MYO1E: variants seen among roughly 807,000 people sequenced by gnomAD.
MYO1E encodes the protein unconventional myosin-Ie.
In MYO1E, 68 loss-of-function variants were observed where a neutral mutation model predicts 151.1. That is an observed-to-expected ratio of 0.45 (90% CI 0.37 to 0.55). The LOEUF (loss-of-function observed/expected upper bound fraction) is 0.55, where lower values mean the gene tolerates loss of function less well. Among genes scored for constraint, MYO1E ranks in the 20% least tolerant of loss-of-function variants. The pLI, the probability that MYO1E is intolerant of heterozygous loss-of-function variation, is 0.00. For synonymous variants in MYO1E, 601 were observed against 501.7 expected, an observed-to-expected ratio of 1.20 and a Z score of -2.64; for missense variants, 1,363 against 1,389.3, an observed-to-expected ratio of 0.98 and a Z score of 0.30.
intron 4 of MYO1E, among the ~76,000 whole-genome samples, chr15:59,240,787 A>C (rs1307950887): frequency 6.6e-6 from 1 of 152,198 alleles, no homozygotes; most frequent in Non-Finnish European, 1.5e-5. Context: ...CACTTTTCCA[A>C]CTTTTTGTTT....
At chr15:59,162,033 A>G (rs532506574) in intron 23 of MYO1E, among the ~76,000 whole-genome samples, 1 of 152,194 alleles carries the variant, frequency 6.6e-6, no homozygotes, top group South Asian at 2.1e-4. Flanking sequence ...AAGAAAAGCT[A>G]AATAACTTTC....
intron 1 of MYO1E, among the ~76,000 whole-genome samples, chr15:59,364,409 G>C (rs1350490851): frequency 1.3e-5 from 2 of 152,176 alleles, no homozygotes; most frequent in African/African-American, 4.8e-5. Flanking sequence ...CTAGTGGGTG[G>C]AAGGAGGAAC....
intron 19 of MYO1E, among the ~76,000 whole-genome samples, chr15:59,177,245 C>T (rs554574188): frequency 6.6e-6 from 1 of 151,564 alleles, no homozygotes; most frequent in Non-Finnish European, 1.5e-5. Flanking sequence ...AATGCTACCA[C>T]AAACGTGTCA....
intron 19 of MYO1E, 81 bp downstream of exon 19, chr15:59,178,312 A>G: frequency 1.9e-6 from 3 of 1,541,630 alleles, no homozygotes; most frequent in Non-Finnish European, 2.7e-6. Flanking sequence ...GAATGAGAAA[A>G]AGAAGCCAGC....
In MYO1E at chr15:59,318,201, C is replaced by G. The variant is rs1166041727; in HGVS notation, c.4-45752G>C. Among the ~76,000 whole-genome samples the G allele has an allele frequency of 3.9e-5, 6 of 152,162 alleles. No individual in the cohort carries two copies. The South Asian group carries it at 1.2e-3, about 32-fold the overall frequency. On this transcript the variant is annotated intron_variant, in intron 1 of 27. Transcript: ENST00000288235. ...AATGAATGCCTCTGGTATACCCAGG[C>G]CTCTCCAGCCATTATCTTACAATCC... is the stretch of plus-strand genomic sequence containing the variant.
Position 59,195,556 on chromosome 15 carries a change from A to T in MYO1E, c.1710T>A (p.Asn570Lys). The part of the protein sequence containing the change: ...TAGSKIKKQA[N>K]DLVSTLMKCT... ...ATTTCATCAGGGTGCTCACAAGGTCATTGGCTTGTTTCTAGAAAGGAAGAA... is the reference window on the plus strand; with the variant it reads ...ATTTCATCAGGGTGCTCACAAGGTCTTTGGCTTGTTTCTAGAAAGGAAGAA... Residue 570 changes from asparagine (N) to lysine (K), a missense_variant, in exon 17 of 28, where the codon AAT (asparagine) becomes AAA (lysine). Asn to Lys is a moderately conservative substitution (Grantham distance 94, BLOSUM62 0). Transcript: ENST00000288235. 1 of 1,613,808 alleles carries T rather than the reference A, an allele frequency of 6.2e-7. No homozygotes were observed. Among genetic ancestry groups the T allele is most frequent in the Non-Finnish European group, 8.5e-7 (1 of 1,179,640 alleles).
intron 4 of MYO1E, among the ~76,000 whole-genome samples, chr15:59,253,551 A>G (rs547055437): frequency 2.8e-5 from 4 of 142,076 alleles, no homozygotes; most frequent in Non-Finnish European, 4.5e-5. Flanking sequence ...GCGCAATCTC[A>G]GCTCACTGAA....
intron 26 of MYO1E, among the ~76,000 whole-genome samples, chr15:59,151,344 C>T (rs1416324379): frequency 6.6e-6 from 1 of 152,060 alleles, no homozygotes; most frequent in African/African-American, 2.4e-5. Flanking sequence ...GCAGGACAGT[C>T]ACTTGAACCC....
At chr15:59,162,249 T>C (rs1285477804) in intron 23 of MYO1E, among the ~76,000 whole-genome samples, 1 of 152,138 alleles carries the variant, frequency 6.6e-6, no homozygotes, top group Non-Finnish European at 1.5e-5. Context: ...TCTTACTATA[T>C]TGCCCAGACT....
At chr15:59,271,463 T>C (rs567098062) in intron 2 of MYO1E, among the ~76,000 whole-genome samples, 1 of 152,364 alleles carries the variant, frequency 6.6e-6, no homozygotes, top group East Asian at 1.9e-4. Context: ...TGCATGTCCA[T>C]GACTAACTCT....
intron 24 of MYO1E, among the ~76,000 whole-genome samples, chr15:59,160,167 ATG>A (rs1364607331): frequency 2.0e-5 from 3 of 152,046 alleles, no homozygotes; most frequent in African/African-American, 7.2e-5. Flanking sequence ...AGGCATCTTC[ATG>A]TGTGTGATCA....
In MYO1E at chr15:59,341,311, A is replaced by G. The variant is rs181351738; in HGVS notation, c.3+31187T>C. ...AGCAAACACTAGATTTTTTTTTTCA[A>G]TAACATTTAAAATACACTTCATGAA... is the stretch of plus-strand genomic sequence containing the variant. On this transcript the variant is annotated intron_variant, in intron 1 of 27. Coordinates refer to ENST00000288235, the MANE Select transcript of MYO1E (RefSeq NM_004998.4). 1.2e-4 allele frequency: 19 copies of G among 152,098 alleles called. No homozygotes were observed. In the East Asian group the frequency reaches 2.7e-3, roughly 22 times the overall value. 9.4% of individuals were successfully genotyped at this position (152,098 alleles called of 1,614,324 possible).
intron 1 of MYO1E, among the ~76,000 whole-genome samples, chr15:59,330,997 T>C (rs1381446501): frequency 6.6e-6 from 1 of 152,142 alleles, no homozygotes; most frequent in African/African-American, 2.4e-5. Flanking sequence ...CTCGAACTCC[T>C]GGGCTCAAGC....
chr15:59,305,841 G>C (rs1177581022), intron 1 of MYO1E, among the ~76,000 whole-genome samples: 2 of 152,170 alleles, frequency 1.3e-5, no homozygotes, highest in Non-Finnish European at 2.9e-5. Context: ...GTGTATTCAA[G>C]TTCTAGGACA....
chr15:59,246,846 C>T (rs369630583), intron 4 of MYO1E, among the ~76,000 whole-genome samples: 2 of 152,150 alleles, frequency 1.3e-5, no homozygotes, highest in African/African-American at 4.8e-5. Context: ...GAAATCAAAG[C>T]TAATGTGTCA....
chr15:59,200,983 A>ATC (rs2079797959), intron 16 of MYO1E, among the ~76,000 whole-genome samples: 2 of 152,210 alleles, frequency 1.3e-5, no homozygotes, highest in African/African-American at 4.8e-5. Context: ...TTGATTGTAA[A>ATC]ACTGAGGAAG....
rs1491073271 is a variant in MYO1E at position 59,191,370 on chromosome 15, A to AGAGAGAGAG, written c.1806-3155_1806-3154insCTCTCTCTC. On this transcript the variant is annotated intron_variant, in intron 17 of 27. Transcript: ENST00000288235. ...AGAGAGAGAGAGAGAGAGAGAGAGA[A>AGAGAGAGAG]AGAAATGTCATGTCAATTAAAAAGG... is the stretch of plus-strand genomic sequence containing the variant. Among the ~76,000 whole-genome samples the AGAGAGAGAG allele has an allele frequency of 2.9e-3, 360 of 123,270 alleles. 5 individuals are homozygous for AGAGAGAGAG. The highest frequency in any genetic ancestry group is 8.3e-3 in the African/African-American group (200 of 24,200). 80.9% of individuals were successfully genotyped at this position (123,270 alleles called of 152,430 possible).
At chr15:59,360,600 A>C (rs2080879634) in intron 1 of MYO1E, among the ~76,000 whole-genome samples, 1 of 152,222 alleles carries the variant, frequency 6.6e-6, no homozygotes, top group African/African-American at 2.4e-5. Context: ...AGCAGATAGA[A>C]AATGATTTTC....
intron 2 of MYO1E, 73 bp downstream of exon 2, chr15:59,272,233 G>A: frequency 6.4e-7 from 1 of 1,569,968 alleles, no homozygotes; most frequent in Non-Finnish European, 8.8e-7. Flanking sequence ...ACTGCACCCA[G>A]CATAAAGCCA....
Sources: gnomAD v4.1 joint callset for allele counts (sites outside exome capture counted in the v4.1 genomes callset) on GRCh38, gnomAD v4.1.1 for gene constraint, MANE v1.5 for transcripts, NCBI Gene and HGNC (gene_info 2026-07-23, HGNC 2026-07-21) for gene names.